Variants in PLXNC1 observed in about 807,000 individuals in gnomAD.
PLXNC1 encodes plexin-C1.
A neutral mutation model predicts 178.2 loss-of-function variants in PLXNC1; 75 were observed. That is an observed-to-expected ratio of 0.42 (90% confidence interval 0.35 to 0.51). The LOEUF (loss-of-function observed/expected upper bound fraction) is 0.51, where lower values mean the gene tolerates loss of function less well. Among genes scored for constraint, PLXNC1 ranks in the 20% least tolerant of loss-of-function variants. The probability of loss-of-function intolerance (pLI) is 0.02; values close to 1 mark genes in which losing one functional copy is unlikely to be tolerated. For synonymous variants in PLXNC1, 790 were observed against 779.9 expected, an observed-to-expected ratio of 1.01 and a Z score of -0.22; for missense variants, 1,503 against 1,984.4, an observed-to-expected ratio of 0.76 and a Z score of 4.61.
intron 1 of PLXNC1, among the ~76,000 whole-genome samples, chr12:94,164,293 C>T (rs1358884646): frequency 2.6e-5 from 4 of 152,332 alleles, no homozygotes; most frequent in East Asian, 1.9e-4. Flanking sequence ...TTTCCTCCCA[C>T]CTGGTAAGGT....
chr12:94,295,750 T>G (rs1967858187), intron 24 of PLXNC1, among the ~76,000 whole-genome samples: 1 of 152,158 alleles, frequency 6.6e-6, no homozygotes, highest in Admixed American at 6.5e-5. Flanking sequence ...TATAAGTTCA[T>G]GGTACCCAAC....
At chr12:94,240,458 G>C in intron 10 of PLXNC1, 27 bp from the exon 11 acceptor site, 18 of 1,582,620 alleles carry the variant, frequency 1.1e-5, no homozygotes, top group Non-Finnish European at 1.6e-5. Context: ...TGTGTCATGT[G>C]AGAGTTCTTT....
At chr12:94,276,492 G>T (rs767106404) in intron 21 of PLXNC1, among the ~76,000 whole-genome samples, 2 of 151,954 alleles carry the variant, frequency 1.3e-5, no homozygotes, top group African/African-American at 4.8e-5. Context: ...GAGGGAGGGC[G>T]GGTGGTAAAG....
intron 4 of PLXNC1, among the ~76,000 whole-genome samples, chr12:94,203,289 T>C (rs1286767282): frequency 6.6e-6 from 1 of 152,208 alleles, no homozygotes; most frequent in African/African-American, 2.4e-5. Flanking sequence ...AGCTGGAAGA[T>C]GGTACATCAT....
chr12:94,209,519 A>G (rs759055090), intron 4 of PLXNC1, 71 bp from the exon 5 acceptor site: 3 of 836,766 alleles, frequency 3.6e-6, no homozygotes, highest in Non-Finnish European at 6.1e-6. Context: ...GTTTTAACTA[A>G]TGCACGTATG....
chr12:94,264,856 G>A (rs776559296), intron 20 of PLXNC1, among the ~76,000 whole-genome samples: 7 of 152,348 alleles, frequency 4.6e-5, no homozygotes, highest in South Asian at 2.1e-4. Context: ...GAATGTGCAC[G>A]CGTGCGCGTG....
At position 94,300,963 on chromosome 12, in the gene PLXNC1, A is replaced by G; in HGVS notation, c.4292A>G (p.Asp1431Gly). The G allele has an allele frequency of 6.2e-7, 1 of 1,613,506 alleles. No homozygotes were observed. The highest frequency in any genetic ancestry group is 8.5e-7 in the Non-Finnish European group (1 of 1,179,484). Reference sequence around the variant, plus strand: ...CTGAAGAACCCTCAGTTTGTCTTTGACATTAAGAAGACACCACATATAGAC... The same window carrying G: ...CTGAAGAACCCTCAGTTTGTCTTTGGCATTAAGAAGACACCACATATAGAC... ...NILKNPQFVFDIKKTPHIDGC... is the reference protein window; with the variant it reads ...NILKNPQFVFGIKKTPHIDGC... Residue 1431 changes from aspartate to glycine, a missense_variant, in exon 28 of 31, where the codon GAC (aspartate) becomes GGC (glycine). Transcript: ENST00000258526.
At chr12:94,200,067 A>G (rs890419585) in intron 4 of PLXNC1, among the ~76,000 whole-genome samples, 9 of 152,226 alleles carry the variant, frequency 5.9e-5, no homozygotes, top group African/African-American at 2.2e-4. Flanking sequence ...TGCTGGGATT[A>G]CAGGCGTGAG....
chr12:94,204,358 A>G (rs996122209), intron 4 of PLXNC1, among the ~76,000 whole-genome samples: 1 of 152,220 alleles, frequency 6.6e-6, no homozygotes, highest in African/African-American at 2.4e-5. Flanking sequence ...TATTGCAGCT[A>G]CTTAGAGGTT....
intron 21 of PLXNC1, among the ~76,000 whole-genome samples, chr12:94,274,907 A>G (rs1044864604): frequency 6.6e-6 from 1 of 152,334 alleles, no homozygotes; most frequent in African/African-American, 2.4e-5. Flanking sequence ...ATACAAATAC[A>G]CACACGTCAT....
intron 14 of PLXNC1, among the ~76,000 whole-genome samples, chr12:94,249,784 C>T (rs866677924): frequency 5.9e-5 from 9 of 152,212 alleles, no homozygotes; most frequent in Admixed American, 2.6e-4. Flanking sequence ...TCCTGAGAGC[C>T]TACGCTGTGA....
chr12:94,224,684 G>T (rs902322150), intron 7 of PLXNC1, among the ~76,000 whole-genome samples: 2 of 152,168 alleles, frequency 1.3e-5, no homozygotes, highest in South Asian at 4.1e-4. Flanking sequence ...TGGGCAGATC[G>T]CTTGAGCCCA....
intron 21 of PLXNC1, among the ~76,000 whole-genome samples, chr12:94,266,064 G>A (rs1167370585): frequency 1.3e-5 from 2 of 152,206 alleles, no homozygotes; most frequent in East Asian, 3.8e-4. Flanking sequence ...CGTTAGTGGA[G>A]GAGGAAAAGA....
At chr12:94,229,595 A>G (rs12099925) in intron 9 of PLXNC1, among the ~76,000 whole-genome samples, 11,332 of 152,234 alleles carry the variant, frequency 0.074, 605 homozygotes, top group African/African-American at 0.14. Context: ...AAATGGGTCT[A>G]ACTTCATTCT....
chr12:94,286,257 A>G (rs1316961034), intron 23 of PLXNC1, among the ~76,000 whole-genome samples: 1 of 152,206 alleles, frequency 6.6e-6, no homozygotes, highest in East Asian at 1.9e-4. Flanking sequence ...TTATGTTTAA[A>G]AAGCTAAGCC....
In PLXNC1 at chr12:94,260,134, C is replaced by T. The variant is rs1964954560; in HGVS notation, c.3251+400C>T. ...AGTGTGTGATCATAGGTCACTGCAG[C>T]CTCATCCTCCTGGGCTCAAGCTACC... On this transcript the variant is annotated intron_variant, in intron 19 of 30. Transcript: ENST00000258526. This position sits in a 1 kb window ranked among gnomAD's most constrained non-coding sequence, Gnocchi z 4.4. Among the ~76,000 whole-genome samples the T allele has an allele frequency of 6.6e-6, 1 of 152,124 alleles. No homozygotes were observed.
At chr12:94,287,679 T>G (rs1966866853) in intron 23 of PLXNC1, among the ~76,000 whole-genome samples, 3 of 152,202 alleles carry the variant, frequency 2.0e-5, no homozygotes, top group Admixed American at 2.0e-4. Flanking sequence ...AAAAGATATT[T>G]AAAGCTCATA....
intron 14 of PLXNC1, 71 bp downstream of exon 14, chr12:94,248,483 GC>G: frequency 8.7e-7 from 1 of 1,150,780 alleles, no homozygotes; most frequent in Non-Finnish European, 1.2e-6. Context: ...TAAACCAGAG[GC>G]CAGAATGGAA....
chr12:94,274,409 G>A (rs1965789662), intron 21 of PLXNC1, among the ~76,000 whole-genome samples: 1 of 152,158 alleles, frequency 6.6e-6, no homozygotes, highest in South Asian at 2.1e-4. Context: ...CCTGGTGAAA[G>A]AGAAGGGAGT....
Sources: allele counts gnomAD v4.1 joint callset (sites outside exome capture counted in the v4.1 genomes callset), GRCh38; gene constraint gnomAD v4.1.1; non-coding constraint Gnocchi (gnomAD v3.1); transcripts MANE v1.5; gene names NCBI Gene and HGNC (gene_info 2026-07-23, HGNC 2026-07-21).